Variants in TTLL5 observed in about 807,000 individuals in gnomAD.
TTLL5 encodes tubulin tyrosine ligase like 5.
In TTLL5, 132 loss-of-function variants were observed where a neutral mutation model predicts 168.4. That is an observed-to-expected ratio of 0.78 (90% CI 0.68 to 0.91). TTLL5 has a LOEUF of 0.91. Ranked by LOEUF, TTLL5 falls within the 40% of genes least tolerant of loss-of-function variation. The pLI is 0.00. For missense variants in TTLL5, 1,545 were observed against 1,581.5 expected, an observed-to-expected ratio of 0.98 and a Z score of 0.39; for synonymous variants, 546 against 558.6, an observed-to-expected ratio of 0.98 and a Z score of 0.32.
intron 16 of TTLL5, 129 bp downstream of exon 16, chr14:75,745,337 A>G: frequency 1.7e-6 from 2 of 1,206,154 alleles, no homozygotes; most frequent in Non-Finnish European, 2.4e-6. Context: ...GATTGGAGAA[A>G]TGTTTTCTCA....
At chr14:75,817,074 G>A (rs1046141691) in intron 27 of TTLL5, among the ~76,000 whole-genome samples, 1 of 148,886 alleles carries the variant, frequency 6.7e-6, no homozygotes, top group South Asian at 2.1e-4. Context: ...CTGACTTCTG[G>A]GTTCAAGCAA....
At chr14:75,706,544 G>C (rs1221477328) in intron 7 of TTLL5, among the ~76,000 whole-genome samples, 1 of 152,122 alleles carries the variant, frequency 6.6e-6, no homozygotes, top group Non-Finnish European at 1.5e-5. Flanking sequence ...TCATTTTACA[G>C]AGAAAATGCT....
chr14:75,777,856 G>A (rs1207917513), intron 23 of TTLL5, among the ~76,000 whole-genome samples: 3 of 151,918 alleles, frequency 2.0e-5, no homozygotes, highest in African/African-American at 7.3e-5. Context: ...ATATCATTTT[G>A]TAGGAGTCCA....
chr14:75,696,073 A>G (rs1281409107), intron 6 of TTLL5, among the ~76,000 whole-genome samples: 3 of 151,508 alleles, frequency 2.0e-5, no homozygotes, highest in Non-Finnish European at 4.4e-5. Flanking sequence ...TTTATTTTCC[A>G]TAGAGACAGT....
chr14:75,914,717 A>G (rs7157335), intron 31 of TTLL5, among the ~76,000 whole-genome samples: 127,129 of 150,580 alleles, frequency 0.84, 53,640 homozygotes, highest in Admixed American at 0.88. Context: ...TCCGCCTCCC[A>G]GGTTCACGCC....
intron 31 of TTLL5, among the ~76,000 whole-genome samples, chr14:75,917,281 T>A (rs1299397492): frequency 6.6e-6 from 1 of 152,228 alleles, no homozygotes; most frequent in African/African-American, 2.4e-5. Flanking sequence ...GATTTTGCAT[T>A]TGAGGAAACT....
intron 28 of TTLL5, among the ~76,000 whole-genome samples, chr14:75,823,433 T>C (rs1026540934): frequency 6.6e-6 from 1 of 152,120 alleles, no homozygotes; most frequent in African/African-American, 2.4e-5. Context: ...AGGGTTACTG[T>C]AAAGTCTTGG....
intron 2 of TTLL5, among the ~76,000 whole-genome samples, chr14:75,667,765 T>G (rs979427708): frequency 6.9e-5 from 10 of 144,976 alleles, no homozygotes; most frequent in African/African-American, 2.5e-4. Flanking sequence ...TTTTTTTTTT[T>G]TTTTTTTTTT....
chr14:75,661,731 T>G (rs1045587113), intron 1 of TTLL5: 2 of 152,310 alleles, frequency 1.3e-5, no homozygotes, highest in Non-Finnish European at 2.9e-5. Flanking sequence ...TTGGAGGTTT[T>G]GTTTGTTTAA....
chr14:75,898,420 CCG>C, intron 30 of TTLL5, among the ~76,000 whole-genome samples: 1 of 152,242 alleles, frequency 6.6e-6, no homozygotes, highest in South Asian at 2.1e-4. Flanking sequence ...GGCAGGCAGA[CCG>C]TGTGAACCCA....
chr14:75,765,432 A>G (rs1261031609), intron 19 of TTLL5, among the ~76,000 whole-genome samples: 1 of 152,214 alleles, frequency 6.6e-6, no homozygotes, highest in Non-Finnish European at 1.5e-5. Context: ...AAAAATCTCT[A>G]ATACACTGTA....
intron 12 of TTLL5, among the ~76,000 whole-genome samples, chr14:75,724,716 A>G (rs903874214): frequency 6.6e-6 from 1 of 152,098 alleles, no homozygotes; most frequent in African/African-American, 2.4e-5. Flanking sequence ...AAGACTTTTG[A>G]TTTATAGAAT....
chr14:75,837,504 C>G (rs1186882168), intron 28 of TTLL5: 2 of 152,168 alleles, frequency 1.3e-5, no homozygotes, highest in African/African-American at 4.8e-5. Context: ...GCATTAAGTA[C>G]ATTCACATTG....
At chr14:75,899,932 T>G (rs957340715) in intron 30 of TTLL5, among the ~76,000 whole-genome samples, 16 of 102,974 alleles carry the variant, frequency 1.6e-4, no homozygotes, top group African/African-American at 6.3e-4. Context: ...TTTGCCGGCT[T>G]CTTCCCTTTT....
At chr14:75,828,217 C>T (rs1441792502) in intron 28 of TTLL5, among the ~76,000 whole-genome samples, 1 of 152,042 alleles carries the variant, frequency 6.6e-6, no homozygotes, top group Non-Finnish European at 1.5e-5. Flanking sequence ...TCACAATTGA[C>T]CCTTGAATAA....
intron 31 of TTLL5, among the ~76,000 whole-genome samples, chr14:75,918,021 A>G (rs1411182233): frequency 1.3e-5 from 2 of 152,140 alleles, no homozygotes; most frequent in Admixed American, 1.3e-4. Context: ...TTTCTGCTCT[A>G]CTAACTCTAA....
intron 28 of TTLL5, among the ~76,000 whole-genome samples, chr14:75,862,630 A>G (rs537717625): frequency 6.6e-6 from 1 of 152,324 alleles, no homozygotes; most frequent in Admixed American, 6.5e-5. Context: ...GGAAGTACAC[A>G]GACATGGTCA....
At chr14:75,788,415 AAGG>A (rs1298644563) in intron 26 of TTLL5, among the ~76,000 whole-genome samples, 4 of 152,232 alleles carry the variant, frequency 2.6e-5, no homozygotes, top group African/African-American at 9.6e-5. Flanking sequence ...TAAATAATAT[AAGG>A]AGTAGAAAAG....
At chr14:75,915,162 T>C (rs1324886988) in intron 31 of TTLL5, among the ~76,000 whole-genome samples, 3 of 152,228 alleles carry the variant, frequency 2.0e-5, no homozygotes, top group Admixed American at 6.5e-5. Context: ...ATCAGATTTC[T>C]CTTTTGAACA....
Sources: allele counts gnomAD v4.1 joint callset (sites outside exome capture counted in the v4.1 genomes callset), GRCh38; gene constraint gnomAD v4.1.1; transcripts MANE v1.5; gene names NCBI Gene and HGNC (gene_info 2026-07-23, HGNC 2026-07-21).